The following CCDC148 variants were observed in gnomAD, a reference collection of about 807,000 sequenced individuals.
CCDC148 encodes the protein coiled-coil domain containing 148, also known as coiled-coil domain-containing protein 148.
A neutral mutation model predicts 85.7 loss-of-function variants in CCDC148; 89 were observed. The observed-to-expected ratio is 1.04, with a 90% CI of 0.87 to 1.24. The LOEUF is 1.24. Ranked by LOEUF, CCDC148 falls within the 50% of genes most tolerant of loss-of-function variation. The pLI is 0.00. For missense variants in CCDC148, 692 were observed against 671.7 expected, an observed-to-expected ratio of 1.03 and a Z score of -0.33; for synonymous variants, 230 against 213.9, an observed-to-expected ratio of 1.08 and a Z score of -0.66.
At chr2:158,348,802 G>A (rs1478798221) in intron 2 of CCDC148, among the ~76,000 whole-genome samples, 1 of 152,024 alleles carries the variant, frequency 6.6e-6, no homozygotes, top group Non-Finnish European at 1.5e-5. Flanking sequence ...TTGTGCATAT[G>A]TTTATAATTT....
intron 1 of CCDC148, among the ~76,000 whole-genome samples, chr2:158,423,020 C>A (rs777709536): frequency 3.3e-5 from 5 of 152,122 alleles, no homozygotes; most frequent in African/African-American, 4.8e-5. Flanking sequence ...ATCCAACTTA[C>A]AAGGGACATA....
intron 11 of CCDC148, among the ~76,000 whole-genome samples, chr2:158,208,299 G>A (rs144470754): frequency 6.9e-4 from 105 of 152,272 alleles, no homozygotes; most frequent in Admixed American, 1.7e-3. Flanking sequence ...AAGGGTATGT[G>A]TTGATTTTTC....
intron 10 of CCDC148, among the ~76,000 whole-genome samples, chr2:158,244,788 G>A (rs768057111): frequency 6.6e-6 from 1 of 152,128 alleles, no homozygotes; most frequent in Non-Finnish European, 1.5e-5. Flanking sequence ...TGATTATACA[G>A]GCCACGGCTG....
intron 11 of CCDC148, among the ~76,000 whole-genome samples, chr2:158,184,853 T>C (rs539695708): frequency 2.2e-4 from 34 of 152,278 alleles, no homozygotes; most frequent in African/African-American, 8.2e-4. Flanking sequence ...AGCTCCAAAG[T>C]TTCTGATTCA....
At chr2:158,336,544 T>C (rs900854238) in intron 7 of CCDC148, among the ~76,000 whole-genome samples, 1 of 152,178 alleles carries the variant, frequency 6.6e-6, no homozygotes. Context: ...CCAGGGAGCT[T>C]GCAATGACTA....
intron 1 of CCDC148, among the ~76,000 whole-genome samples, chr2:158,416,993 A>G (rs1172590672): frequency 6.6e-6 from 1 of 152,188 alleles, no homozygotes. Context: ...CACATTCTAC[A>G]TGGCTGGAGC....
chr2:158,217,552 G>A (rs563595079), intron 11 of CCDC148, among the ~76,000 whole-genome samples: 8 of 151,750 alleles, frequency 5.3e-5, no homozygotes, highest in East Asian at 1.9e-4. Context: ...ACAGGCACCC[G>A]CCACCATGCC....
At chr2:158,451,001 T>C (rs1052485912) in intron 1 of CCDC148, among the ~76,000 whole-genome samples, 2 of 152,200 alleles carry the variant, frequency 1.3e-5, no homozygotes, top group African/African-American at 4.8e-5. Context: ...ATCTTTCTCC[T>C]ATTCTTTAGG....
At position 158,313,823 on chromosome 2, in the gene CCDC148, A is replaced by G. The variant is rs749396362; in HGVS notation, c.836T>C (p.Phe279Ser). The change falls in exon 8 of 14, where the codon TTT becomes TCT. Residue 279 changes from phenylalanine (F) to serine (S), a missense_variant. Phe to Ser is a radical substitution (Grantham distance 155). Transcript: ENST00000283233. ...AILDQYPGDL[F>S]GRRTLYLDML... Reference sequence around the variant, plus strand: ...GTCCAGATACAGAGTCCTTCTTCCAAAGAGATCTCCAGGGTACTGATCCAA... The same window carrying G: ...GTCCAGATACAGAGTCCTTCTTCCAGAGAGATCTCCAGGGTACTGATCCAA... The G allele has an allele frequency of 3.1e-6, 5 of 1,613,976 alleles. No homozygotes were observed. The South Asian group carries it at 4.4e-5, about 14-fold the overall frequency.
chr2:158,280,909 G>T (rs572729411), intron 9 of CCDC148, among the ~76,000 whole-genome samples: 4 of 152,200 alleles, frequency 2.6e-5, no homozygotes, highest in Non-Finnish European at 2.9e-5. Context: ...TAAAAGAACA[G>T]AAATTATAAC....
intron 11 of CCDC148, among the ~76,000 whole-genome samples, chr2:158,200,914 A>G (rs987056089): frequency 6.6e-6 from 1 of 152,174 alleles, no homozygotes; most frequent in Non-Finnish European, 1.5e-5. Context: ...TTCTAAATCT[A>G]TCATTTCTTC....
At chr2:158,312,400 G>A (rs937858979) in intron 8 of CCDC148, among the ~76,000 whole-genome samples, 7 of 152,038 alleles carry the variant, frequency 4.6e-5, no homozygotes, top group African/African-American at 1.4e-4. Flanking sequence ...TGGCCAACAC[G>A]GTGAAACCCC....
chr2:158,271,288 C>G (rs962283158), intron 9 of CCDC148, among the ~76,000 whole-genome samples: 15 of 152,150 alleles, frequency 9.9e-5, no homozygotes, highest in African/African-American at 3.4e-4. Flanking sequence ...AGTAGTCCCC[C>G]CTTATCTATG....
At chr2:158,441,652 A>G (rs950480380) in intron 1 of CCDC148, among the ~76,000 whole-genome samples, 1 of 152,186 alleles carries the variant, frequency 6.6e-6, no homozygotes, top group Admixed American at 6.6e-5. Context: ...TTTTGTTGAC[A>G]TATTCTTTTT....
At chr2:158,405,961 G>T (rs1471067071) in intron 1 of CCDC148, among the ~76,000 whole-genome samples, 1 of 152,092 alleles carries the variant, frequency 6.6e-6, no homozygotes, top group Non-Finnish European at 1.5e-5. Context: ...GATTATTTAT[G>T]AAAAGATTAA....
At chr2:158,217,310 G>GTATA (rs201318722) in intron 11 of CCDC148, among the ~76,000 whole-genome samples, 1 of 109,656 alleles carries the variant, frequency 9.1e-6, no homozygotes, top group African/African-American at 3.4e-5. Flanking sequence ...ATTTATGTAG[G>GTATA]TATATATATA....
intron 9 of CCDC148, among the ~76,000 whole-genome samples, chr2:158,289,326 C>T (rs181599721): frequency 1.3e-5 from 2 of 151,740 alleles, no homozygotes; most frequent in East Asian, 3.9e-4. Flanking sequence ...AACATATAAC[C>T]CACAAAGAAC....
intron 11 of CCDC148, among the ~76,000 whole-genome samples, chr2:158,185,685 C>T (rs1685120790): frequency 6.6e-6 from 1 of 152,024 alleles, no homozygotes; most frequent in African/African-American, 2.4e-5. Context: ...TTAGCTCATT[C>T]CCCAAACTAA....
chr2:158,352,881 G>A (rs1683397448), intron 2 of CCDC148, among the ~76,000 whole-genome samples: 1 of 152,120 alleles, frequency 6.6e-6, no homozygotes, highest in East Asian at 1.9e-4. Context: ...GGATCTCTTG[G>A]CAGAAACCCT....
Sources: allele counts gnomAD v4.1 joint callset (sites outside exome capture counted in the v4.1 genomes callset), GRCh38; gene constraint gnomAD v4.1.1; transcripts MANE v1.5; gene names NCBI Gene and HGNC (gene_info 2026-07-23, HGNC 2026-07-21).